The following CDC37 variants were observed in gnomAD, a reference collection of about 807,000 sequenced individuals.
CDC37 encodes hsp90 co-chaperone Cdc37.
A neutral mutation model predicts 46.9 loss-of-function variants in CDC37; 9 were observed. The ratio of observed to expected loss-of-function variants is 0.19; its 90% CI spans 0.12 to 0.33. CDC37 has a LOEUF of 0.33. Ranked by LOEUF, CDC37 falls within the 10% of genes least tolerant of loss-of-function variation. The probability of loss-of-function intolerance (pLI) is 1.00; values close to 1 mark genes in which losing one functional copy is unlikely to be tolerated. For synonymous variants in CDC37, 193 were observed against 191.0 expected (o/e 1.01, Z -0.09); for missense variants, 388 against 514.6 (o/e 0.75, Z 2.38).
At chr19:10,399,567 C>G (rs563955662) in intron 1 of CDC37, among the ~76,000 whole-genome samples, 11 of 150,632 alleles carry the variant, frequency 7.3e-5, no homozygotes, top group Admixed American at 7.3e-4. Context: ...TTTGGGAGGC[C>G]GAGGTGGGAG....
Position 10,395,282 on chromosome 19 carries a change from G to A in CDC37, c.549C>T (p.Cys183=), listed in dbSNP as rs139416692. The change falls in exon 4 of 8, where the codon TGC becomes TGT. Residue 183 remains cysteine (C), a synonymous_variant. Coordinates refer to ENST00000222005, the MANE Select transcript of CDC37 (RefSeq NM_007065.4). ...KYLSDNVHLV[C]EETANYLVIW... ...TGACCAGGTAATTGGCTGTCTCCTC[G>A]CACACCAGGTGGACGTTGTCTGACA... is the stretch of plus-strand genomic sequence containing the variant. 9.4e-5 allele frequency: 151 copies of A among 1,614,082 alleles called. 1 individual carries two copies. In the African/African-American group the frequency reaches 1.9e-3, roughly 21 times the overall value.
In CDC37 at chr19:10,395,925, C is replaced by A. The variant is rs1229801620; in HGVS notation, c.378+3G>T. ...CACTGCCCGCCCCGCCCGCCCCGCA[C>A]ACCTTGCTGAAGCCGTCTTTGCTGA... On this transcript the variant is annotated splice_donor_region_variant and intron_variant, in intron 2 of 7. Transcript: ENST00000222005. 1 of 1,612,408 alleles carries A rather than the reference C, an allele frequency of 6.2e-7. No homozygotes were observed. The highest frequency in any genetic ancestry group is 8.5e-7 in the Non-Finnish European group (1 of 1,178,976).
rs191478914 is a variant in CDC37, at chr19:10,393,704, T to A, written c.727-263A>T. 1.9e-4 allele frequency: 83 copies of A among 442,424 alleles called. No individual in the cohort carries two copies. The highest frequency in any genetic ancestry group is 1.6e-3 in the African/African-American group (78 of 49,700). 27.4% of individuals were successfully genotyped at this position (442,424 alleles called of 1,614,324 possible). On this transcript the variant is annotated intron_variant, in intron 5 of 7. Transcript: ENST00000222005. This position sits in a 1 kb window ranked among gnomAD's most constrained non-coding sequence, Gnocchi z 4.9. Reference sequence around the variant, plus strand: ...CTCAGTGTCCCTGCATGGGCACCTCTAACTCAACATGGCCACCTCCCAGCC... The same window carrying A: ...CTCAGTGTCCCTGCATGGGCACCTCAAACTCAACATGGCCACCTCCCAGCC...
chr19:10,403,535 T>C lies in CDC37; in HGVS notation c.-56A>G, dbSNP rs752470815. 1.8e-5 allele frequency: 24 copies of C among 1,355,232 alleles called. No homozygotes were observed. In the South Asian group the frequency reaches 1.8e-4, roughly 10 times the overall value. 84.0% of individuals were successfully genotyped at this position (1,355,232 alleles called of 1,614,324 possible). A position where few individuals can be genotyped will look rare whatever the true frequency, so the allele number is the denominator to read the frequency against. On this transcript the variant is annotated 5_prime_UTR_variant, in exon 1 of 8. Transcript: ENST00000222005. ...CGGGTGGCGGCGACGGCGGCAGCAG[T>C]GGAGACTAGGAGCGCGGAGCCCCGC... is the stretch of plus-strand genomic sequence containing the variant.
At position 10,395,444 on chromosome 19, in the gene CDC37, T is replaced by C. The variant is rs1450765512; in HGVS notation, c.478A>G (p.Lys160Glu). 1 of 1,613,518 alleles carries C rather than the reference T, an allele frequency of 6.2e-7. No homozygotes were observed. The change falls in exon 3 of 8, where the codon AAG becomes GAG. Residue 160 changes from lysine to glutamate, a missense_variant. By Grantham distance (56) the Lys-to-Glu change is moderately conservative. Coordinates refer to ENST00000222005, the MANE Select transcript of CDC37 (RefSeq NM_007065.4). ...TFVEKYEKQI[K>E]HFGMLRRWDD... ...CACAAGCCCCACTCACCAAAGTGCT[T>C]GATCTGTTTCTCGTATTTTTCCACG... is the stretch of plus-strand genomic sequence containing the variant.
rs140787736 is a variant in CDC37, at chr19:10,391,671, A to G, written c.1017T>C (p.Ser339=). 4 of 1,613,888 alleles carry G rather than the reference A, an allele frequency of 2.5e-6. No homozygotes were observed. In the African/African-American group the frequency reaches 4.0e-5, roughly 16 times the overall value. Residue 339 remains serine (S), a synonymous_variant, in exon 8 of 8, where the codon TCT becomes TCC. Coordinates refer to ENST00000222005, the MANE Select transcript of CDC37 (RefSeq NM_007065.4). ...AKYHMQRCID[S]GLWVPNSKAS... ...CCTTAGAGTTGGGGACCCAGAGGCC[A>G]GAGTCAATGCAGCGCTGCATGTGGT...
intron 1 of CDC37, among the ~76,000 whole-genome samples, chr19:10,399,949 A>AAAAAAAAAAAAAAAAAAAAAAC (rs2042510326): frequency 6.7e-6 from 1 of 148,456 alleles, no homozygotes; most frequent in African/African-American, 2.5e-5. Flanking sequence ...AAAAAAAAAA[A>AAAAAAAAAAAAAAAAAAAAAAC]AAAAAAAGCA....
At position 10,393,053 on chromosome 19, in the gene CDC37, G is replaced by C; in HGVS notation, c.981+33C>G. 6.3e-7 allele frequency: 1 copy of C among 1,596,806 alleles called. No homozygotes were observed. The highest frequency in any genetic ancestry group is 1.1e-5 in the South Asian group (1 of 90,718). On this transcript the variant is annotated intron_variant, in intron 7 of 7. Coordinates refer to ENST00000222005, the MANE Select transcript of CDC37 (RefSeq NM_007065.4). The surrounding 1 kb of genome is among the most constrained non-coding windows in gnomAD (Gnocchi z 4.9). ...CAGGGCTGGGGGAGACACACGGCCC[G>C]CCGGGAAGGCATGGGGCGCGGGGGT...
At chr19:10,394,918 G>A (rs1231964741) in intron 5 of CDC37, 103 bp downstream of exon 5, 3 of 1,252,452 alleles carry the variant, frequency 2.4e-6, no homozygotes, top group African/African-American at 3.0e-5. Flanking sequence ...GGTGACTGGA[G>A]GGGCTTGAGT....
In CDC37 at chr19:10,393,481, G is replaced by A. The variant is rs1207835422; in HGVS notation, c.727-40C>T. On this transcript the variant is annotated intron_variant, in intron 5 of 7. Coordinates refer to ENST00000222005, the MANE Select transcript of CDC37 (RefSeq NM_007065.4). The surrounding 1 kb of genome is among the most constrained non-coding windows in gnomAD (Gnocchi z 4.9). Reference sequence around the variant, plus strand: ...CAGTGCTCACTGGACCTGGCCCAACGCTCAGGAGGGACTGGGGGGCCCAGG... The same window carrying A: ...CAGTGCTCACTGGACCTGGCCCAACACTCAGGAGGGACTGGGGGGCCCAGG... 9.5e-6 allele frequency: 15 copies of A among 1,572,672 alleles called. No homozygotes were observed. Among genetic ancestry groups the A allele is most frequent in the South Asian group, 3.5e-5 (3 of 85,776 alleles).
Position 10,393,495 on chromosome 19 carries a change from G to T in CDC37, c.727-54C>A. The T allele has an allele frequency of 2.0e-6, 3 of 1,537,732 alleles. No individual in the cohort carries two copies. The highest frequency in any genetic ancestry group is 2.3e-5 in the East Asian group (1 of 44,284). On this transcript the variant is annotated intron_variant, in intron 5 of 7. Transcript: ENST00000222005. The surrounding 1 kb of genome is among the most constrained non-coding windows in gnomAD (Gnocchi z 4.9). ...CCTGGCCCAACGCTCAGGAGGGACT[G>T]GGGGGCCCAGGACCCTCCAGCCACA...
chr19:10,402,157 CAAA>C (rs753021871), intron 1 of CDC37, among the ~76,000 whole-genome samples: 16,281 of 62,674 alleles, frequency 0.26, 804 homozygotes, highest in East Asian at 0.5. Flanking sequence ...AACTTCGTCT[CAAA>C]AAAAAAAAAA....
intron 7 of CDC37, 131 bp from the exon 8 acceptor site, chr19:10,391,837 C>T: frequency 1.1e-6 from 1 of 891,738 alleles, no homozygotes; most frequent in Non-Finnish European, 1.7e-6. Flanking sequence ...CGGAGTCTCA[C>T]TCTGTCACCC....
chr19:10,396,912 G>C lies in CDC37; in HGVS notation c.103-709C>G, dbSNP rs1257723768. On this transcript the variant is annotated intron_variant, in intron 1 of 7. Transcript: ENST00000222005. The surrounding 1 kb of genome is among the most constrained non-coding windows in gnomAD (Gnocchi z 5.9). ...GAACCTCAAGGCCTTCGCACTGGCT[G>C]TTCCAACTACTTGGAATGCTTTTCC... Among the ~76,000 whole-genome samples the C allele has an allele frequency of 6.6e-6, 1 of 152,140 alleles. No homozygotes were observed. The highest frequency in any genetic ancestry group is 1.9e-4 in the East Asian group (1 of 5,190).
intron 1 of CDC37, among the ~76,000 whole-genome samples, chr19:10,397,350 C>G (rs1459789371): frequency 6.6e-6 from 1 of 151,432 alleles, no homozygotes; most frequent in Non-Finnish European, 1.5e-5. Context: ...CTTGATCTCC[C>G]AGGCTCAACC....
chr19:10,402,962 G>T (rs2042527791), intron 1 of CDC37, among the ~76,000 whole-genome samples: 1 of 152,060 alleles, frequency 6.6e-6, no homozygotes, highest in Non-Finnish European at 1.5e-5. Context: ...AGGTGGGGGG[G>T]CGATGGGAGA....
chr19:10,391,678 A>G lies in CDC37; in HGVS notation c.1010T>C (p.Ile337Thr), dbSNP rs1283025760. Residue 337 changes from isoleucine to threonine, a missense_variant, in exon 8 of 8, where the codon ATT becomes ACT. Transcript: ENST00000222005. ...TDAKYHMQRC[I>T]DSGLWVPNSK... The stretch of plus-strand genomic sequence containing the variant: ...GTTGGGGACCCAGAGGCCAGAGTCA[A>G]TGCAGCGCTGCATGTGGTACTTTGC... 6.2e-7 allele frequency: 1 copy of G among 1,613,896 alleles called. No individual in the cohort carries two copies. Among genetic ancestry groups the G allele is most frequent in the Admixed American group, 1.7e-5 (1 of 60,026 alleles).
intron 2 of CDC37, 192 bp from the exon 3 acceptor site, chr19:10,395,735 C>T: frequency 1.4e-6 from 1 of 713,752 alleles, no homozygotes; most frequent in Non-Finnish European, 2.3e-6. Context: ...TGGGGTGTTT[C>T]ATCCGCCCGG....
rs2042470797 is a variant in CDC37 at position 10,393,550 on chromosome 19, A to G, written c.727-109T>C. 1.7e-6 allele frequency: 2 copies of G among 1,176,952 alleles called. No individual in the cohort carries two copies. The highest frequency in any genetic ancestry group is 1.5e-5 in the South Asian group (1 of 65,868). The allele number at this position is 1,176,952 out of a possible 1,614,324, so 72.9% of individuals were successfully genotyped here. A position where few individuals can be genotyped will look rare whatever the true frequency, so the allele number is the denominator to read the frequency against. ...CTCAGAGGCGCCCCACGGTTCCCCA[A>G]GTCTATTCCTGACCTACATGAAGGG... On this transcript the variant is annotated intron_variant, in intron 5 of 7. Transcript: ENST00000222005. The surrounding 1 kb of genome is among the most constrained non-coding windows in gnomAD (Gnocchi z 4.9).
Sources: gnomAD v4.1 joint callset for allele counts (sites outside exome capture counted in the v4.1 genomes callset) on GRCh38, gnomAD v4.1.1 for gene constraint, Gnocchi (gnomAD v3.1) non-coding constraint, MANE v1.5 for transcripts, NCBI Gene and HGNC (gene_info 2026-07-23, HGNC 2026-07-21) for gene names.